The following STX19 variants were observed in gnomAD, a reference collection of about 807,000 sequenced individuals.
The protein encoded by STX19 is syntaxin-19.
In STX19, 26 loss-of-function variants were observed where a neutral mutation model predicts 24.3. The ratio of observed to expected loss-of-function variants is 1.07; its 90% CI spans 0.78 to 1.48. The LOEUF (loss-of-function observed/expected upper bound fraction) is 1.48, where lower values mean the gene tolerates loss of function less well. Among genes scored for constraint, STX19 ranks in the 40% most tolerant of loss-of-function variants. The probability of loss-of-function intolerance (pLI) is 0.00; values close to 1 mark genes in which losing one functional copy is unlikely to be tolerated. For synonymous variants in STX19, 116 were observed against 106.9 expected (o/e 1.09, Z -0.52); for missense variants, 367 against 331.9 (o/e 1.11, Z -0.82).
intron 1 of STX19, among the ~76,000 whole-genome samples, chr3:94,027,664 A>T (rs993922482): frequency 1.3e-5 from 2 of 152,080 alleles, no homozygotes; most frequent in Admixed American, 1.3e-4. Context: ...CATAGTAACA[A>T]TTATAACTTT....
At chr3:94,019,246 G>A (rs2076398092) in intron 1 of STX19, among the ~76,000 whole-genome samples, 1 of 151,164 alleles carries the variant, frequency 6.6e-6, no homozygotes, top group African/African-American at 2.4e-5. Context: ...GCCTAGGCTG[G>A]AGTGCAGTGG....
intron 1 of STX19, among the ~76,000 whole-genome samples, chr3:94,025,322 TC>T (rs1274516945): frequency 6.6e-6 from 1 of 151,902 alleles, no homozygotes; most frequent in African/African-American, 2.4e-5. Context: ...GGAAATAGAA[TC>T]AGGTTTCCTT....
intron 1 of STX19, among the ~76,000 whole-genome samples, chr3:94,018,327 T>A (rs1004552062): frequency 1.3e-5 from 2 of 152,180 alleles, no homozygotes; most frequent in Non-Finnish European, 2.9e-5. Flanking sequence ...TCAGGATATA[T>A]TTTTGAAACT....
At chr3:94,019,491 G>T (rs965227228) in intron 1 of STX19, among the ~76,000 whole-genome samples, 2 of 152,144 alleles carry the variant, frequency 1.3e-5, no homozygotes, top group Non-Finnish European at 2.9e-5. Flanking sequence ...CACCGCAACT[G>T]GTCAAGTCCC....
At position 94,015,039 on chromosome 3, in the gene STX19, AC is replaced by A; in HGVS notation, c.230del (p.Ser77IlefsTer6). ...NVQKFGQQQK[S>X]LVASMRRFSL... is the part of the protein sequence containing the mutation. ...TAAACCTTCTCATTGAAGCCACCAG[AC>A]TTTTCTGTTGCTGCCCAAATTTTTG... On this transcript the variant is annotated frameshift_variant, in exon 2 of 2. Coordinates refer to ENST00000315099, the MANE Select transcript of STX19 (RefSeq NM_001001850.3). LOFTEE classifies it high-confidence loss of function. 1 of 1,614,006 alleles carries A rather than the reference AC, an allele frequency of 6.2e-7. No individual in the cohort carries two copies. The highest frequency in any genetic ancestry group is 8.5e-7 in the Non-Finnish European group (1 of 1,179,950).
chr3:94,023,606 G>A (rs6777479), intron 1 of STX19, among the ~76,000 whole-genome samples: 6 of 151,830 alleles, frequency 4.0e-5, no homozygotes, highest in African/African-American at 1.2e-4. Flanking sequence ...GAAAAGCAAC[G>A]TCCAAATAAG....
chr3:94,021,264 G>A (rs958524444), intron 1 of STX19, among the ~76,000 whole-genome samples: 1 of 151,256 alleles, frequency 6.6e-6, no homozygotes, highest in African/African-American at 2.4e-5. Flanking sequence ...CATGATCTCA[G>A]CTCACTGCAA....
chr3:94,017,873 G>T (rs75793700), intron 1 of STX19, among the ~76,000 whole-genome samples: 19 of 152,116 alleles, frequency 1.2e-4, no homozygotes, highest in Non-Finnish European at 2.6e-4. Flanking sequence ...CAAAGTGAAT[G>T]TAGATAGAAA....
Position 94,014,688 on chromosome 3 carries a change from A to G in STX19, c.582T>C (p.Phe194=), listed in dbSNP as rs747667588. The part of the protein sequence containing the change: ...DMLHQGKWEV[F]NESLLTEINI... ...TGATTTCTGTAAGTAAGCTTTCATT[A>G]AAAACTTCCCATTTTCCTTGATGAA... Residue 194 remains phenylalanine, a synonymous_variant, in exon 2 of 2, where the codon TTT becomes TTC. Coordinates refer to ENST00000315099, the MANE Select transcript of STX19 (RefSeq NM_001001850.3). The G allele has an allele frequency of 1.7e-5, 28 of 1,613,316 alleles. No individual in the cohort carries two copies. The South Asian group carries it at 2.9e-4, about 16-fold the overall frequency.
chr3:94,020,537 G>T (rs1327917320), intron 1 of STX19, among the ~76,000 whole-genome samples: 1 of 152,128 alleles, frequency 6.6e-6, no homozygotes, highest in African/African-American at 2.4e-5. Flanking sequence ...ATCATTTAGG[G>T]TGAGTTCTGA....
chr3:94,019,233 G>C (rs374957630), intron 1 of STX19, among the ~76,000 whole-genome samples: 1 of 151,872 alleles, frequency 6.6e-6, no homozygotes, highest in African/African-American at 2.4e-5. Flanking sequence ...GTCTCCCTCT[G>C]TTGCCTAGGC....
intron 1 of STX19, among the ~76,000 whole-genome samples, chr3:94,018,208 T>C (rs1304674991): frequency 6.6e-6 from 1 of 152,004 alleles, no homozygotes; most frequent in Non-Finnish European, 1.5e-5. Context: ...CTGATTTATA[T>C]TTTTAAAAGA....
chr3:94,020,363 T>C (rs2076421869), intron 1 of STX19, among the ~76,000 whole-genome samples: 1 of 152,228 alleles, frequency 6.6e-6, no homozygotes, highest in African/African-American at 2.4e-5. Context: ...GCTTTAGTAA[T>C]TGAACCATGT....
chr3:94,018,036 A>G (rs752223334), intron 1 of STX19, among the ~76,000 whole-genome samples: 3 of 152,164 alleles, frequency 2.0e-5, no homozygotes, highest in Admixed American at 6.5e-5. Context: ...CATGATTTGT[A>G]TATATTTTTT....
At chr3:94,020,188 C>T (rs1011961191) in intron 1 of STX19, among the ~76,000 whole-genome samples, 18 of 152,222 alleles carry the variant, frequency 1.2e-4, no homozygotes, top group African/African-American at 4.3e-4. Context: ...TCTTTCCCAG[C>T]ACCTTGATGA....
rs1351489963 is a variant in STX19 at position 94,014,948 on chromosome 3, T to G, written c.322A>C (p.Ser108Arg). 6.2e-7 allele frequency: 1 copy of G among 1,613,968 alleles called. No individual in the cohort carries two copies. Among genetic ancestry groups the G allele is most frequent in the South Asian group, 1.1e-5 (1 of 91,022 alleles). ...IKIQAEYINR[S>R]LNDLVKEVKK... ...ACTTCTTTAACTAAATCATTCAAACTTCTGTTGATGTATTCTGCCTGAATT... is the reference window on the plus strand; with the variant it reads ...ACTTCTTTAACTAAATCATTCAAACGTCTGTTGATGTATTCTGCCTGAATT... The change falls in exon 2 of 2, where the codon AGT becomes CGT. Residue 108 changes from serine to arginine, a missense_variant. Ser to Arg is a moderately radical substitution (Grantham distance 110, BLOSUM62 -1). Coordinates refer to ENST00000315099, the MANE Select transcript of STX19 (RefSeq NM_001001850.3).
chr3:94,022,863 T>A (rs2107014980), intron 1 of STX19, among the ~76,000 whole-genome samples: 1 of 152,034 alleles, frequency 6.6e-6, no homozygotes, highest in South Asian at 2.1e-4. Context: ...ATTACCAAAG[T>A]TTTTCACCTG....
At chr3:94,026,807 A>G (rs2107049662) in intron 1 of STX19, among the ~76,000 whole-genome samples, 1 of 152,164 alleles carries the variant, frequency 6.6e-6, no homozygotes, top group East Asian at 1.9e-4. Flanking sequence ...GCATTGCTAT[A>G]CAGTTTTGAA....
Position 94,014,724 on chromosome 3 carries a change from T to C in STX19, c.546A>G (p.Val182=). The C allele has an allele frequency of 3.1e-6, 5 of 1,613,020 alleles. No homozygotes were observed. Among genetic ancestry groups the C allele is most frequent in the Non-Finnish European group, 4.2e-6 (5 of 1,179,738 alleles). ...ATTTTCCTTGATGAAGCATATCATT[T>C]ACATCTTCTTCAGACATCTCTTTTC... The part of the protein sequence containing the change: ...VAGKEMSEED[V]NDMLHQGKWE... Residue 182 remains valine, a synonymous_variant, in exon 2 of 2, where the codon GTA becomes GTG. Transcript: ENST00000315099.
Sources: allele counts gnomAD v4.1 joint callset (sites outside exome capture counted in the v4.1 genomes callset), GRCh38; gene constraint gnomAD v4.1.1; transcripts MANE v1.5; gene names NCBI Gene and HGNC (gene_info 2026-07-23, HGNC 2026-07-21).